The following RASEF variants were observed in gnomAD, a reference collection of about 807,000 sequenced individuals.
RASEF encodes the protein RAS and EF-hand domain containing.
RASEF carries 68 observed loss-of-function variants against 90.1 expected under a neutral mutation model. That is an observed-to-expected ratio of 0.75 (90% CI 0.62 to 0.92). The LOEUF is 0.92. Ranked by LOEUF, RASEF falls within the 40% of genes least tolerant of loss-of-function variation. RASEF has a pLI of 0.00. For synonymous variants in RASEF, 331 were observed against 345.2 expected (o/e 0.96, Z 0.46); for missense variants, 949 against 937.2 (o/e 1.01, Z -0.16).
intron 1 of RASEF, among the ~76,000 whole-genome samples, chr9:83,033,899 G>A (rs17398173): frequency 0.079 from 11,985 of 152,084 alleles, 565 homozygotes; most frequent in Middle Eastern, 0.12. Flanking sequence ...AGCCTACTTC[G>A]TTCGATGCCC....
the RASEF span, among the ~76,000 whole-genome samples, chr9:83,194,191 T>C: frequency 4.6e-5 from 7 of 152,364 alleles, no homozygotes; most frequent in African/African-American, 1.7e-4. Flanking sequence ...TAATGTCCTT[T>C]TCCTGTTTTA....
chr9:83,126,491 T>C, the RASEF span, among the ~76,000 whole-genome samples: 2 of 152,200 alleles, frequency 1.3e-5, no homozygotes, highest in African/African-American at 4.8e-5. Flanking sequence ...CTCAGAAATC[T>C]ACCTTACAGG....
At chr9:83,038,919 G>A (rs558819549) in intron 1 of RASEF, among the ~76,000 whole-genome samples, 2 of 152,246 alleles carry the variant, frequency 1.3e-5, no homozygotes, top group East Asian at 1.9e-4. Flanking sequence ...GTGTCCTCAA[G>A]TATTTTGTAG....
At position 82,980,699 on chromosome 9, in the gene RASEF, C is replaced by T. The variant is rs1252402680; in HGVS notation, c.*1978G>A. 1 of 152,182 alleles carries T rather than the reference C, an allele frequency of 6.6e-6. No homozygotes were observed. Among genetic ancestry groups the T allele is most frequent in the Non-Finnish European group, 1.5e-5 (1 of 68,038 alleles). The allele number at this position is 152,182 out of a possible 1,614,324, so 9.4% of individuals were successfully genotyped here. On this transcript the variant is annotated 3_prime_UTR_variant, in exon 17 of 17. Coordinates refer to ENST00000376447, the MANE Select transcript of RASEF (RefSeq NM_152573.4). ...TATCAGCATCTACATATATCTGATC[C>T]AATGTCATCAAAAGATGCCACTAAG...
chr9:83,002,582 C>CAATAT (rs1242485651), intron 9 of RASEF, among the ~76,000 whole-genome samples: 17 of 150,998 alleles, frequency 1.1e-4, no homozygotes, highest in Admixed American at 6.6e-5. Context: ...TATATTATTG[C>CAATAT]ATTATTTATA....
At position 83,062,795 on chromosome 9, in the gene RASEF, A is replaced by G; in HGVS notation, c.73T>C (p.Ser25Pro). Residue 25 changes from serine (S) to proline (P), a missense_variant, in exon 1 of 17, where the codon TCG (serine) becomes CCG (proline). Physicochemically the swap from Ser to Pro is moderately conservative, Grantham distance 74. This residue lies in a region of RASEF where 656 missense variants were observed against 592.2 expected (regional missense o/e 1.11). Coordinates refer to ENST00000376447, the MANE Select transcript of RASEF (RefSeq NM_152573.4). Reference sequence around the variant, plus strand: ...AACTCCTCGCGCTCCAGGCGCCCCGAGCGGTTCGCGTCGCAGGCGGCGAAG... The same window carrying G: ...AACTCCTCGCGCTCCAGGCGCCCCGGGCGGTTCGCGTCGCAGGCGGCGAAG... ...SVFAACDANR[S>P]GRLEREEFRA... 6.4e-7 allele frequency: 1 copy of G among 1,556,622 alleles called. No individual in the cohort carries two copies. Among genetic ancestry groups the G allele is most frequent in the Non-Finnish European group, 8.6e-7 (1 of 1,161,396 alleles).
At position 83,007,524 on chromosome 9, in the gene RASEF, T is replaced by C. The variant is rs1271102223; in HGVS notation, c.960-19A>G. The C allele has an allele frequency of 1.3e-6, 2 of 1,588,310 alleles. No homozygotes were observed. The highest frequency in any genetic ancestry group is 1.1e-5 in the South Asian group (1 of 90,540). On this transcript the variant is annotated intron_variant, in intron 6 of 16. Coordinates refer to ENST00000376447, the MANE Select transcript of RASEF (RefSeq NM_152573.4). ...CAGATCCCTGTAAAATTGTATTTTA[T>C]GTTTGAGTGAGAATTAGGTGTCAAG...
At chr9:83,160,611 T>C in the RASEF span, among the ~76,000 whole-genome samples, 2 of 152,164 alleles carry the variant, frequency 1.3e-5, no homozygotes, top group South Asian at 4.1e-4. Flanking sequence ...GAAAATCTCA[T>C]GTTCTGAGGA....
At chr9:83,140,527 T>C in the RASEF span, among the ~76,000 whole-genome samples, 1 of 152,128 alleles carries the variant, frequency 6.6e-6, no homozygotes, top group Non-Finnish European at 1.5e-5. Flanking sequence ...TTCCAGCTTA[T>C]ATTTTGAAAA....
At chr9:83,214,229 CA>C in the RASEF span, among the ~76,000 whole-genome samples, 1 of 152,166 alleles carries the variant, frequency 6.6e-6, no homozygotes, top group Admixed American at 6.5e-5. Flanking sequence ...ACTAAAAATA[CA>C]AAAATTAGCC....
At chr9:83,071,725 T>TG in the RASEF span, among the ~76,000 whole-genome samples, 1 of 152,180 alleles carries the variant, frequency 6.6e-6, no homozygotes, top group Admixed American at 6.5e-5. Context: ...TTGTTAACAG[T>TG]GGTGAATTAT....
chr9:83,071,794 A>T, the RASEF span, among the ~76,000 whole-genome samples: 1 of 152,190 alleles, frequency 6.6e-6, no homozygotes, highest in Non-Finnish European at 1.5e-5. Context: ...GGGCTGCTTC[A>T]CATGGTATCT....
chr9:83,192,739 T>A, the RASEF span, among the ~76,000 whole-genome samples: 1 of 146,800 alleles, frequency 6.8e-6, no homozygotes, highest in Non-Finnish European at 1.5e-5. Flanking sequence ...TCCATTAAAA[T>A]GCTACCTTCA....
chr9:83,073,854 C>T, the RASEF span, among the ~76,000 whole-genome samples: 1 of 152,044 alleles, frequency 6.6e-6, no homozygotes, highest in African/African-American at 2.4e-5. Flanking sequence ...AAGAAAATAC[C>T]AATATTTAAA....
At chr9:83,203,562 C>T in the RASEF span, among the ~76,000 whole-genome samples, 1 of 152,170 alleles carries the variant, frequency 6.6e-6, no homozygotes, top group African/African-American at 2.4e-5. Flanking sequence ...AGGCATGAGC[C>T]ACCACACCTG....
chr9:83,178,654 A>G, the RASEF span, among the ~76,000 whole-genome samples: 2 of 152,190 alleles, frequency 1.3e-5, no homozygotes, highest in Non-Finnish European at 2.9e-5. Context: ...CTTGAATTTA[A>G]TAAATACATC....
At position 83,000,227 on chromosome 9, in the gene RASEF, A is replaced by G; in HGVS notation, c.1665T>C (p.Ser555=). The stretch of plus-strand genomic sequence containing the variant: ...TCTTGCAAAGTCTCATGAGGAAACT[A>G]GACTTCCCCACTGCAGCGTCCCCAG... ...VLAGDAAVGK[S]SFLMRLCKNE... Residue 555 remains serine (S), a synonymous_variant, in exon 12 of 17, where the codon TCT becomes TCC. Transcript: ENST00000376447. 1.9e-6 allele frequency: 3 copies of G among 1,614,108 alleles called. No homozygotes were observed. Among genetic ancestry groups the G allele is most frequent in the Non-Finnish European group, 2.5e-6 (3 of 1,179,996 alleles).
chr9:82,995,674 C>A (rs761229105), intron 14 of RASEF, among the ~76,000 whole-genome samples: 2 of 152,058 alleles, frequency 1.3e-5, no homozygotes, highest in Non-Finnish European at 1.5e-5. Context: ...TCAAACTCCT[C>A]GGCTCAAACC....
At chr9:83,195,215 C>G in the RASEF span, among the ~76,000 whole-genome samples, 9 of 152,214 alleles carry the variant, frequency 5.9e-5, no homozygotes, top group African/African-American at 2.4e-5. Context: ...TTTTCGTGCC[C>G]TCTCTCATAC....
Sources: gnomAD v4.1 joint callset for allele counts (sites outside exome capture counted in the v4.1 genomes callset) on GRCh38, gnomAD v4.1.1 for gene constraint, gnomAD v4.1.1 regional missense constraint, MANE v1.5 for transcripts, NCBI Gene and HGNC (gene_info 2026-07-23, HGNC 2026-07-21) for gene names.